ZNF691: variants seen among roughly 807,000 people sequenced by gnomAD.
ZNF691 encodes zinc finger protein 691.
A neutral mutation model predicts 24.1 loss-of-function variants in ZNF691; 11 were observed. That is an observed-to-expected ratio of 0.46 (90% CI 0.29 to 0.75). ZNF691 has a LOEUF of 0.75. Ranked by LOEUF, ZNF691 falls within the 30% of genes least tolerant of loss-of-function variation. ZNF691 has a pLI of 0.11. For synonymous variants in ZNF691, 149 were observed against 153.9 expected (o/e 0.97, Z 0.23); for missense variants, 356 against 409.0 (o/e 0.87, Z 1.12).
chr1:42,850,475 G>T (rs571700291), intron 3 of ZNF691: 1 of 985,210 alleles, frequency 1.0e-6, no homozygotes, highest in Non-Finnish European at 1.2e-6. Flanking sequence ...AGATTTAGAG[G>T]TTTTGTTTTG....
chr1:42,851,693 C>T lies in ZNF691; in HGVS notation c.828C>T (p.Thr276=), dbSNP rs745928060. The change falls in exon 4 of 4, where the codon ACC becomes ACT. Residue 276 remains threonine (T), a synonymous_variant. Coordinates refer to ENST00000651192, the MANE Select transcript of ZNF691 (RefSeq NM_001242739.2). The surrounding 1 kb of genome is among the most constrained non-coding windows in gnomAD (Gnocchi z 4.7). ...CCAACTTTGGAGCACACCAGCGGAC[C>T]CACAGAGGGGAGAAGCCCTACCGGT... is the stretch of plus-strand genomic sequence containing the variant. The part of the protein sequence containing the change: ...DISNFGAHQR[T]HRGEKPYRCT... 32 of 1,614,104 alleles carry T rather than the reference C, an allele frequency of 2.0e-5. No individual in the cohort carries two copies. In the South Asian group the frequency reaches 3.2e-4, roughly 16 times the overall value.
chr1:42,850,264 C>A (rs886987995), intron 3 of ZNF691: 9 of 268,080 alleles, frequency 3.4e-5, no homozygotes, highest in African/African-American at 2.1e-4. Context: ...GTGGGTGGGG[C>A]TTTGTATGGT....
chr1:42,846,951 A>G (rs945426368), intron 1 of ZNF691, among the ~76,000 whole-genome samples: 1 of 147,900 alleles, frequency 6.8e-6, no homozygotes, highest in Non-Finnish European at 1.5e-5. Flanking sequence ...CTCCTCTCCC[A>G]CCTCTCTGGC....
intron 3 of ZNF691, 101 bp downstream of exon 3, chr1:42,849,843 T>C: frequency 1.0e-6 from 1 of 998,978 alleles, no homozygotes; most frequent in East Asian, 2.6e-5. Context: ...AATCAGGACC[T>C]GTACTGGGCA....
In ZNF691 at chr1:42,851,266, A is replaced by G; in HGVS notation, c.401A>G (p.Gln134Arg). The change falls in exon 4 of 4, where the codon CAG becomes CGG. Residue 134 changes from glutamine (Q) to arginine (R), a missense_variant. By Grantham distance (43) the Gln-to-Arg change is conservative. Coordinates refer to ENST00000651192, the MANE Select transcript of ZNF691 (RefSeq NM_001242739.2). The surrounding 1 kb of genome is among the most constrained non-coding windows in gnomAD (Gnocchi z 4.7). ...AATACCTCCAACCTGAGAACACACC[A>G]GCGGATCCACACTGGTGAGAAGCCT... is the stretch of plus-strand genomic sequence containing the variant. The part of the protein sequence containing the change: ...FNNTSNLRTH[Q>R]RIHTGEKPYK... The G allele has an allele frequency of 1.9e-6, 3 of 1,613,758 alleles. No individual in the cohort carries two copies. The highest frequency in any genetic ancestry group is 2.5e-6 in the Non-Finnish European group (3 of 1,179,918).
Position 42,851,854 on chromosome 1 carries a change from C to T in ZNF691, c.*41C>T, listed in dbSNP as rs767064462. 1.9e-6 allele frequency: 3 copies of T among 1,612,552 alleles called. No homozygotes were observed. In the African/African-American group the frequency reaches 4.0e-5, roughly 22 times the overall value. ...AGAGTGAGGGAGAGAGAGTGAGAGA[C>T]CCTAACCTATTGGAGGAAGATCTTC... On this transcript the variant is annotated 3_prime_UTR_variant, in exon 4 of 4. Transcript: ENST00000651192. The surrounding 1 kb of genome is among the most constrained non-coding windows in gnomAD (Gnocchi z 4.7).
chr1:42,850,869 C>G lies in ZNF691; in HGVS notation c.85-81C>G, dbSNP rs1056090983. On this transcript the variant is annotated intron_variant, in intron 3 of 3. Coordinates refer to ENST00000651192, the MANE Select transcript of ZNF691 (RefSeq NM_001242739.2). ...ATGGTCCCATGGGGAAGGTGTATAC[C>G]CTTCAAACTGAACAAAAGATTCCCT... is the stretch of plus-strand genomic sequence containing the variant. 6.4e-6 allele frequency: 10 copies of G among 1,558,788 alleles called. No individual in the cohort carries two copies. The Admixed American group carries it at 2.1e-4, about 32-fold the overall frequency.
rs116596221 is a variant in ZNF691, at chr1:42,848,616, A to T, written c.-217-675A>T. 1.8e-3 allele frequency among the ~76,000 whole-genome samples: 275 copies of T among 152,246 alleles called. 1 individual carries two copies. Among genetic ancestry groups the T allele is most frequent in the Non-Finnish European group, 2.7e-3 (181 of 68,014 alleles). ...CTCATTCAACAAATACTTATGAAGG[A>T]TCTACTGTATATGGCTGCCACTACT... On this transcript the variant is annotated intron_variant, in intron 1 of 3. Transcript: ENST00000651192.
rs1655422219 is a variant in ZNF691, at chr1:42,852,365, G to A, written c.*552G>A. ...TTAGAAATGAAAGGGAAACCCTCAG[G>A]GAGCCATGACCCAGGGACCTTCACA... On this transcript the variant is annotated 3_prime_UTR_variant, in exon 4 of 4. Transcript: ENST00000651192. 1 of 207,780 alleles carries A rather than the reference G, an allele frequency of 4.8e-6. No individual in the cohort carries two copies. Among genetic ancestry groups the A allele is most frequent in the African/African-American group, 2.4e-5 (1 of 42,264 alleles). The allele number at this position is 207,780 out of a possible 1,614,324, so 12.9% of individuals were successfully genotyped here.
In ZNF691 at chr1:42,852,266, C is replaced by T. The variant is rs1655419579; in HGVS notation, c.*453C>T. ...TTGTGCCCCAACTTTGCTTCTAGAT[C>T]TCTGGGGTGGGAGGAGTGACCTTCT... On this transcript the variant is annotated 3_prime_UTR_variant, in exon 4 of 4. Transcript: ENST00000651192. The T allele has an allele frequency of 6.8e-6, 2 of 292,136 alleles. No individual in the cohort carries two copies. The highest frequency in any genetic ancestry group is 1.4e-5 in the Non-Finnish European group (2 of 141,734). The allele number at this position is 292,136 out of a possible 1,614,324, so 18.1% of individuals were successfully genotyped here. A position where few individuals can be genotyped will look rare whatever the true frequency, so the allele number is the denominator to read the frequency against.
At position 42,849,314 on chromosome 1, in the gene ZNF691, A is replaced by G; in HGVS notation, c.-194A>G. 2.0e-6 allele frequency: 1 copy of G among 493,032 alleles called. No homozygotes were observed. Among genetic ancestry groups the G allele is most frequent in the Non-Finnish European group, 4.0e-6 (1 of 251,966 alleles). 30.5% of individuals were successfully genotyped at this position (493,032 alleles called of 1,614,324 possible). ...AGGGCCTGGACGTAGTGTCTTCAACAGTTGTAACAGCAGCTGCCATTTGCT... is the reference window on the plus strand; with the variant it reads ...AGGGCCTGGACGTAGTGTCTTCAACGGTTGTAACAGCAGCTGCCATTTGCT... On this transcript the variant is annotated 5_prime_UTR_variant, in exon 2 of 4. Transcript: ENST00000651192.
At chr1:42,846,827 T>A (rs1006129245) in intron 1 of ZNF691, among the ~76,000 whole-genome samples, 170 bp downstream of exon 1, 1 of 151,908 alleles carries the variant, frequency 6.6e-6, no homozygotes, top group African/African-American at 2.4e-5. Context: ...ACCCTCGCCC[T>A]GGCCCCCGGC....
At position 42,849,300 on chromosome 1, in the gene ZNF691, G is replaced by A. The variant is rs1176652310; in HGVS notation, c.-208G>A. 11 of 472,210 alleles carry A rather than the reference G, an allele frequency of 2.3e-5. No homozygotes were observed. Among genetic ancestry groups the A allele is most frequent in the Non-Finnish European group, 3.7e-5 (9 of 240,104 alleles). 29.3% of individuals were successfully genotyped at this position (472,210 alleles called of 1,614,324 possible). On this transcript the variant is annotated 5_prime_UTR_variant, in exon 2 of 4. Coordinates refer to ENST00000651192, the MANE Select transcript of ZNF691 (RefSeq NM_001242739.2). ...CTTGTATTCTTCACAGGGCCTGGACGTAGTGTCTTCAACAGTTGTAACAGC... is the reference window on the plus strand; with the variant it reads ...CTTGTATTCTTCACAGGGCCTGGACATAGTGTCTTCAACAGTTGTAACAGC...
Position 42,851,152 on chromosome 1 carries a change from C to T in ZNF691, c.287C>T (p.Ala96Val), listed in dbSNP as rs1422664610. ...KKPWQKVTVR[A>V]RELGDPIAHP... ...CCATGGCAGAAAGTCACTGTCCGGG[C>T]TCGAGAGCTAGGGGACCCCATTGCT... The change falls in exon 4 of 4, where the codon GCT (alanine) becomes GTT (valine). Residue 96 changes from alanine (A) to valine (V), a missense_variant. By Grantham distance (64) the Ala-to-Val change is moderately conservative. Coordinates refer to ENST00000651192, the MANE Select transcript of ZNF691 (RefSeq NM_001242739.2). The surrounding 1 kb of genome is among the most constrained non-coding windows in gnomAD (Gnocchi z 4.7). 1 of 1,614,080 alleles carries T rather than the reference C, an allele frequency of 6.2e-7. No homozygotes were observed. Among genetic ancestry groups the T allele is most frequent in the Non-Finnish European group, 8.5e-7 (1 of 1,180,044 alleles).
Position 42,849,345 on chromosome 1 carries a change from A to G in ZNF691, c.-163A>G, listed in dbSNP as rs1005538493. On this transcript the variant is annotated 5_prime_UTR_variant, in exon 2 of 4. Transcript: ENST00000651192. ...AACAGCAGCTGCCATTTGCTGAATG[A>G]CAGCATGTGTCACACACTCTGCTGA... The G allele has an allele frequency of 3.8e-6, 2 of 524,848 alleles. No individual in the cohort carries two copies. Among genetic ancestry groups the G allele is most frequent in the Non-Finnish European group, 7.4e-6 (2 of 272,056 alleles). The allele number at this position is 524,848 out of a possible 1,614,324, so 32.5% of individuals were successfully genotyped here. A position where few individuals can be genotyped will look rare whatever the true frequency, so the allele number is the denominator to read the frequency against.
chr1:42,848,184 C>A (rs974628412), intron 1 of ZNF691, among the ~76,000 whole-genome samples: 3 of 152,104 alleles, frequency 2.0e-5, no homozygotes, highest in African/African-American at 7.2e-5. Context: ...TATAGGTTCT[C>A]AGAATAGCAG....
In ZNF691 at chr1:42,849,424, C is replaced by T. The variant is rs1655319264; in HGVS notation, c.-95+11C>T. 1 of 643,196 alleles carries T rather than the reference C, an allele frequency of 1.6e-6. No homozygotes were observed. Among genetic ancestry groups the T allele is most frequent in the African/African-American group, 1.8e-5 (1 of 55,914 alleles). 39.8% of individuals were successfully genotyped at this position (643,196 alleles called of 1,614,324 possible). A position where few individuals can be genotyped will look rare whatever the true frequency, so the allele number is the denominator to read the frequency against. ...AGTCTTGTAGTGTGGGTAGGTATCA[C>T]AATTTTAGTGAAGAGGGAGTTTAGG... is the stretch of plus-strand genomic sequence containing the variant. On this transcript the variant is annotated intron_variant, in intron 2 of 3. Coordinates refer to ENST00000651192, the MANE Select transcript of ZNF691 (RefSeq NM_001242739.2).
chr1:42,849,427 T>C lies in ZNF691; in HGVS notation c.-95+14T>C, dbSNP rs954360533. The C allele has an allele frequency of 7.7e-6, 5 of 645,536 alleles. No individual in the cohort carries two copies. In the Admixed American group the frequency reaches 1.0e-4, roughly 13 times the overall value. The allele number at this position is 645,536 out of a possible 1,614,324, so 40.0% of individuals were successfully genotyped here. A position where few individuals can be genotyped will look rare whatever the true frequency, so the allele number is the denominator to read the frequency against. On this transcript the variant is annotated intron_variant, in intron 2 of 3. Coordinates refer to ENST00000651192, the MANE Select transcript of ZNF691 (RefSeq NM_001242739.2). ...CTTGTAGTGTGGGTAGGTATCACAA[T>C]TTTAGTGAAGAGGGAGTTTAGGCTC...
Position 42,852,155 on chromosome 1 carries a change from T to C in ZNF691, c.*342T>C, listed in dbSNP as rs766475608. ...GGCCTTTGAGGAAGTACTTATGAGATGGGTGTCACTGTCTGAAGGTTCTCC... is the reference window on the plus strand; with the variant it reads ...GGCCTTTGAGGAAGTACTTATGAGACGGGTGTCACTGTCTGAAGGTTCTCC... On this transcript the variant is annotated 3_prime_UTR_variant, in exon 4 of 4. Coordinates refer to ENST00000651192, the MANE Select transcript of ZNF691 (RefSeq NM_001242739.2). 116 of 411,518 alleles carry C rather than the reference T, an allele frequency of 2.8e-4. No individual in the cohort carries two copies. The highest frequency in any genetic ancestry group is 2.2e-4 in the Admixed American group (6 of 27,676). 25.5% of individuals were successfully genotyped at this position (411,518 alleles called of 1,614,324 possible). A position where few individuals can be genotyped will look rare whatever the true frequency, so the allele number is the denominator to read the frequency against.
Sources: allele counts gnomAD v4.1 joint callset (sites outside exome capture counted in the v4.1 genomes callset), GRCh38; gene constraint gnomAD v4.1.1; non-coding constraint Gnocchi (gnomAD v3.1); transcripts MANE v1.5; gene names NCBI Gene and HGNC (gene_info 2026-07-23, HGNC 2026-07-21).